C8A: variants seen among roughly 807,000 people sequenced by gnomAD.
The protein encoded by C8A is complement C8 alpha chain.
A neutral mutation model predicts 65.3 loss-of-function variants in C8A; 67 were observed. The ratio of observed to expected loss-of-function variants is 1.03; its 90% CI spans 0.84 to 1.26. The LOEUF (loss-of-function observed/expected upper bound fraction) is 1.26, where lower values mean the gene tolerates loss of function less well. C8A is among the 50% of genes most tolerant of loss of function. C8A has a pLI of 0.00. For synonymous variants in C8A, 290 were observed against 259.4 expected (o/e 1.12, Z -1.13); for missense variants, 781 against 723.9 (o/e 1.08, Z -0.90).
chr1:56,892,641 C>G (rs988207285), intron 7 of C8A, among the ~76,000 whole-genome samples: 1 of 151,976 alleles, frequency 6.6e-6, no homozygotes, highest in African/African-American at 2.4e-5. Flanking sequence ...TCTGCAGGTT[C>G]CCTCCAGCCA....
rs761215078 is a variant in C8A, at chr1:56,854,996, C to T, written c.77+18C>T. 6.3e-7 allele frequency: 1 copy of T among 1,594,274 alleles called. No individual in the cohort carries two copies. Among genetic ancestry groups the T allele is most frequent in the South Asian group, 1.1e-5 (1 of 90,476 alleles). Reference sequence around the variant, plus strand: ...GTGAACCAGTAAGTGGGCCATATGTCTCTGCAAAACTTGCACGTAGGAATC... The same window carrying T: ...GTGAACCAGTAAGTGGGCCATATGTTTCTGCAAAACTTGCACGTAGGAATC... On this transcript the variant is annotated intron_variant, in intron 1 of 10. Transcript: ENST00000361249.
At chr1:56,910,170 A>C (rs1352006267) in intron 9 of C8A, among the ~76,000 whole-genome samples, 1 of 152,206 alleles carries the variant, frequency 6.6e-6, no homozygotes, top group African/African-American at 2.4e-5. Flanking sequence ...TATACCCCAG[A>C]GTTCAGCAGT....
At chr1:56,897,175 G>A (rs1190140955) in intron 7 of C8A, among the ~76,000 whole-genome samples, 3 of 152,144 alleles carry the variant, frequency 2.0e-5, no homozygotes. Flanking sequence ...AATTAAGGGA[G>A]TATTATTTTT....
chr1:56,886,273 T>G, intron 7 of C8A, 106 bp downstream of exon 7: 1 of 1,338,254 alleles, frequency 7.5e-7, no homozygotes, highest in Non-Finnish European at 1.1e-6. Context: ...TCTCATTTAG[T>G]TTTTAGGACA....
chr1:56,885,286 A>G (rs34748213), intron 6 of C8A, among the ~76,000 whole-genome samples: 18,653 of 132,182 alleles, frequency 0.14, 2,000 homozygotes, highest in East Asian at 0.34. Flanking sequence ...ATATATTTAC[A>G]TAAATATATA....
In C8A at chr1:56,867,638, C is replaced by A. The variant is rs116201358; in HGVS notation, c.107C>A (p.Ala36Glu). 22,107 of 1,613,714 alleles carry A rather than the reference C, an allele frequency of 0.014. 732 individuals are homozygous for A. Among genetic ancestry groups the A allele is most frequent in the South Asian group, 0.11 (10,164 of 91,040 alleles). The change falls in exon 2 of 11, where the codon GCA becomes GAA. Residue 36 changes from alanine to glutamate, a missense_variant. Physicochemically the swap from Ala to Glu is moderately radical, Grantham distance 107. Coordinates refer to ENST00000361249, the MANE Select transcript of C8A (RefSeq NM_000562.3). Reference protein sequence around the residue: ...QRVRRAATPAAVTCQLSNWSE... With the variant: ...QRVRRAATPAEVTCQLSNWSE... ...GTAAGACGGGCAGCTACACCCGCAG[C>A]AGTTACCTGCCAGCTGAGCAACTGG...
rs537909671 is a variant in C8A, at chr1:56,901,863, C to A, written c.1097-4804C>A. On this transcript the variant is annotated intron_variant, in intron 7 of 10. Transcript: ENST00000361249. The stretch of plus-strand genomic sequence containing the variant: ...GCCCTGTGTCAGAGTCCTCCTCGCA[C>A]ACTACAATAATTATCTGTTTCCTTG... Among the ~76,000 whole-genome samples, 5 of 152,200 alleles carry A rather than the reference C, an allele frequency of 3.3e-5. No homozygotes were observed. The East Asian group carries it at 9.7e-4, about 29-fold the overall frequency.
chr1:56,914,440 C>T (rs761432884), intron 10 of C8A, among the ~76,000 whole-genome samples: 1 of 152,134 alleles, frequency 6.6e-6, no homozygotes, highest in Non-Finnish European at 1.5e-5. Flanking sequence ...ACATGGTGAG[C>T]AGTTGGTAGT....
chr1:56,865,911 A>G (rs1313165637), intron 1 of C8A, among the ~76,000 whole-genome samples: 1 of 152,200 alleles, frequency 6.6e-6, no homozygotes, highest in Non-Finnish European at 1.5e-5. Flanking sequence ...CAAATTTCAA[A>G]TGCCTGATAT....
At chr1:56,905,600 T>C (rs1244445907) in intron 7 of C8A, among the ~76,000 whole-genome samples, 2 of 152,234 alleles carry the variant, frequency 1.3e-5, no homozygotes, top group Non-Finnish European at 2.9e-5. Context: ...CAAATAAACT[T>C]TGATGCTCAA....
In C8A at chr1:56,883,557, A is replaced by C. The variant is rs780440275; in HGVS notation, c.731A>C (p.Lys244Thr). 1.9e-6 allele frequency: 3 copies of C among 1,613,982 alleles called. No individual in the cohort carries two copies. Among genetic ancestry groups the C allele is most frequent in the Non-Finnish European group, 2.5e-6 (3 of 1,179,938 alleles). The change falls in exon 6 of 11, where the codon AAG becomes ACG. Residue 244 changes from lysine (K) to threonine (T), a missense_variant. By Grantham distance (78) the Lys-to-Thr change is moderately conservative. Coordinates refer to ENST00000361249, the MANE Select transcript of C8A (RefSeq NM_000562.3). ...CTTCTTTCCAAAGTTAAAAAAGACA[A>C]GTCTGACTCATTTGGAGTGACCATC... is the stretch of plus-strand genomic sequence containing the variant. Reference protein sequence around the residue: ...NDLLSKVKKDKSDSFGVTIGI... With the variant: ...NDLLSKVKKDTSDSFGVTIGI...
intron 1 of C8A, among the ~76,000 whole-genome samples, chr1:56,865,348 G>C (rs1184981088): frequency 4.6e-5 from 7 of 152,210 alleles, no homozygotes; most frequent in Non-Finnish European, 8.8e-5. Flanking sequence ...GGCAGATTCA[G>C]TGTCTGGTGA....
Position 56,906,703 on chromosome 1 carries a change from G to A in C8A, c.1133G>A (p.Gly378Asp), listed in dbSNP as rs749317510. Residue 378 changes from glycine (G) to aspartate (D), a missense_variant, in exon 8 of 11, where the codon GGC (glycine) becomes GAC (aspartate). Gly to Asp is a moderately conservative substitution (Grantham distance 94). Transcript: ENST00000361249. ...AGAGATATCACGACATGTTTTGGAG[G>A]CTCCTTGGGCATTCAATATGAAGAC... ...TSRDITTCFGGSLGIQYEDKI... is the reference protein window; with the variant it reads ...TSRDITTCFGDSLGIQYEDKI... 3.7e-6 allele frequency: 6 copies of A among 1,613,866 alleles called. No individual in the cohort carries two copies. The East Asian group carries it at 1.1e-4, about 30-fold the overall frequency.
Position 56,906,767 on chromosome 1 carries a change from T to C in C8A, c.1197T>C (p.Cys399=). The part of the protein sequence containing the change: ...NVGGGLSGDH[C]KKFGGGKTER... ...GTGGAGGTTTATCAGGAGACCATTG[T>C]AAAAAATTTGGAGGTGGCAAAACTG... Residue 399 remains cysteine, a synonymous_variant, in exon 8 of 11, where the codon TGT becomes TGC. Transcript: ENST00000361249. The C allele has an allele frequency of 1.9e-6, 3 of 1,614,056 alleles. No individual in the cohort carries two copies. The highest frequency in any genetic ancestry group is 2.5e-6 in the Non-Finnish European group (3 of 1,179,942).
intron 7 of C8A, among the ~76,000 whole-genome samples, chr1:56,894,686 C>A (rs1282608162): frequency 1.3e-5 from 2 of 152,156 alleles, no homozygotes; most frequent in Non-Finnish European, 2.9e-5. Context: ...CCCTCCCTGC[C>A]TTCCTGTATT....
rs753360162 is a variant in C8A, at chr1:56,886,184, C to T, written c.1096+17C>T. 2.5e-6 allele frequency: 4 copies of T among 1,613,476 alleles called. No individual in the cohort carries two copies. Among genetic ancestry groups the T allele is most frequent in the Admixed American group, 1.7e-5 (1 of 59,990 alleles). On this transcript the variant is annotated intron_variant, in intron 7 of 10. Transcript: ENST00000361249. The stretch of plus-strand genomic sequence containing the variant: ...AATCCCTTGGTAAGTAAAGCAGAAG[C>T]TCTATGTACACAGTAGTCAACACAG...
At chr1:56,883,918 C>G (rs967267572) in intron 6 of C8A, among the ~76,000 whole-genome samples, 7 of 150,970 alleles carry the variant, frequency 4.6e-5, no homozygotes, top group Admixed American at 6.6e-5. Flanking sequence ...TTGCCCCCCC[C>G]ATCATCATTT....
chr1:56,890,807 C>A (rs1164906976), intron 7 of C8A, among the ~76,000 whole-genome samples: 1 of 152,086 alleles, frequency 6.6e-6, no homozygotes, highest in Non-Finnish European at 1.5e-5. Context: ...TTAAGCATCA[C>A]CTTTTCAGAG....
intron 2 of C8A, among the ~76,000 whole-genome samples, chr1:56,868,247 C>G (rs1429275009): frequency 6.6e-6 from 1 of 151,454 alleles, no homozygotes. Context: ...TGTTGGGAGC[C>G]CTCCACTCAG....
Sources: gnomAD v4.1 joint callset for allele counts (sites outside exome capture counted in the v4.1 genomes callset) on GRCh38, gnomAD v4.1.1 for gene constraint, MANE v1.5 for transcripts, NCBI Gene and HGNC (gene_info 2026-07-23, HGNC 2026-07-21) for gene names.